Variants in ADAMTSL1 observed in about 807,000 individuals in gnomAD.
ADAMTSL1 encodes the protein ADAMTS-like protein 1.
ADAMTSL1 carries 126 observed loss-of-function variants against 201.8 expected under a neutral mutation model. That is an observed-to-expected ratio of 0.62 (90% CI 0.54 to 0.72). The LOEUF is 0.72. ADAMTSL1 is among the 30% of genes least tolerant of loss of function. The pLI, the probability that ADAMTSL1 is intolerant of heterozygous loss-of-function variation, is 0.00. For missense variants in ADAMTSL1, 2,679 were observed against 2,277.8 expected, an observed-to-expected ratio of 1.18 and a Z score of -3.59; for synonymous variants, 1,121 against 903.4, an observed-to-expected ratio of 1.24 and a Z score of -4.32.
At position 18,707,028 on chromosome 9, in the gene ADAMTSL1, G is replaced by T; in HGVS notation, c.1856G>T (p.Cys619Phe). The T allele has an allele frequency of 6.2e-7, 1 of 1,613,694 alleles. No individual in the cohort carries two copies. The highest frequency in any genetic ancestry group is 8.5e-7 in the Non-Finnish European group (1 of 1,179,766). ...YDWEYEGFTK[C>F]SESCGGGVQE... ...TGGGAGTATGAGGGGTTCACCAAGT[G>T]CTCCGAGTCCTGTGGAGGAGGTAAG... The change falls in exon 14 of 29, where the codon TGC becomes TTC. Residue 619 changes from cysteine to phenylalanine, a missense_variant. By Grantham distance (205) the Cys-to-Phe change is radical. Transcript: ENST00000380548.
chr9:18,309,476 A>G (rs546614215), intron 2 of ADAMTSL1, among the ~76,000 whole-genome samples: 1 of 152,332 alleles, frequency 6.6e-6, no homozygotes, highest in East Asian at 1.9e-4. Flanking sequence ...CTGATAAGCA[A>G]CTTCAGCAAA....
chr9:18,474,858 G>T (rs1228553112), intron 1 of ADAMTSL1, among the ~76,000 whole-genome samples: 3 of 152,166 alleles, frequency 2.0e-5, no homozygotes, highest in Non-Finnish European at 4.4e-5. Context: ...TTTATGAATT[G>T]AGGATTATGG....
intron 23 of ADAMTSL1, among the ~76,000 whole-genome samples, chr9:18,849,377 A>C (rs1359362470): frequency 2.0e-5 from 3 of 152,216 alleles, no homozygotes; most frequent in Non-Finnish European, 4.4e-5. Flanking sequence ...CCTGGATCCA[A>C]TTATGTGATA....
chr9:18,216,523 G>C (rs1324404041), intron 2 of ADAMTSL1, among the ~76,000 whole-genome samples: 1 of 152,130 alleles, frequency 6.6e-6, no homozygotes, highest in Non-Finnish European at 1.5e-5. Context: ...AGTTTAGGAG[G>C]TTGGCAGCAG....
chr9:18,826,375 C>G lies in ADAMTSL1; in HGVS notation c.4026C>G (p.Asn1342Lys), dbSNP rs373266961. Reference protein sequence around the residue: ...HLHEGSLLLTNVSSSDQGLYS... With the variant: ...HLHEGSLLLTKVSSSDQGLYS... The stretch of plus-strand genomic sequence containing the variant: ...ACGAAGGCTCCTTGCTGCTCACAAA[C>G]GTGTCCTCCTCGGATCAGGGCCTGT... Residue 1342 changes from asparagine (N) to lysine (K), a missense_variant, in exon 22 of 29, where the codon AAC (asparagine) becomes AAG (lysine). Asn to Lys is a moderately conservative substitution (Grantham distance 94, BLOSUM62 0). Transcript: ENST00000380548. 2 of 1,613,546 alleles carry G rather than the reference C, an allele frequency of 1.2e-6. No individual in the cohort carries two copies. The highest frequency in any genetic ancestry group is 2.7e-5 in the African/African-American group (2 of 74,882).
At chr9:18,545,864 G>A (rs113775674) in intron 3 of ADAMTSL1, among the ~76,000 whole-genome samples, 18 of 152,278 alleles carry the variant, frequency 1.2e-4, no homozygotes, top group African/African-American at 3.8e-4. Flanking sequence ...GGTTGCTAAC[G>A]TGCAAATACT....
intron 3 of ADAMTSL1, among the ~76,000 whole-genome samples, chr9:18,548,154 C>T (rs1245915926): frequency 1.3e-5 from 2 of 151,990 alleles, no homozygotes; most frequent in African/African-American, 4.8e-5. Flanking sequence ...CCCAAATCAA[C>T]ACTTATGGCA....
At chr9:18,434,269 A>C (rs113726297) in intron 2 of ADAMTSL1, among the ~76,000 whole-genome samples, 1 of 152,192 alleles carries the variant, frequency 6.6e-6, no homozygotes, top group African/African-American at 2.4e-5. Flanking sequence ...TCATGAAAAA[A>C]ACAAGAGGCT....
chr9:17,936,918 C>T (rs1482891537), intron 1 of ADAMTSL1, among the ~76,000 whole-genome samples: 1 of 152,122 alleles, frequency 6.6e-6, no homozygotes, highest in Non-Finnish European at 1.5e-5. Flanking sequence ...CTGAGGGTAG[C>T]ATGTTTGGGT....
At chr9:18,317,881 C>G (rs191263848) in intron 2 of ADAMTSL1, among the ~76,000 whole-genome samples, 1 of 152,178 alleles carries the variant, frequency 6.6e-6, no homozygotes, top group Admixed American at 6.5e-5. Context: ...ATCCCAGCGC[C>G]TAGAGAACCG....
At chr9:18,570,522 G>A (rs1445017049) in intron 3 of ADAMTSL1, among the ~76,000 whole-genome samples, 1 of 152,134 alleles carries the variant, frequency 6.6e-6, no homozygotes, top group Admixed American at 6.5e-5. Flanking sequence ...TTTTAAACAT[G>A]TGTATTTCAA....
At chr9:18,908,027 G>A (rs1163486779) in intron 28 of ADAMTSL1, 2 of 237,080 alleles carry the variant, frequency 8.4e-6, no homozygotes, top group Non-Finnish European at 1.7e-5. Context: ...GCAGTGCTGG[G>A]AACCATCTTG....
At chr9:18,520,929 T>C (rs1220900494) in intron 2 of ADAMTSL1, among the ~76,000 whole-genome samples, 2 of 152,208 alleles carry the variant, frequency 1.3e-5, no homozygotes, top group African/African-American at 4.8e-5. Flanking sequence ...ACCTTTCATC[T>C]AAATGCTTAG....
At chr9:18,535,745 C>T (rs547456912) in intron 3 of ADAMTSL1, among the ~76,000 whole-genome samples, 1 of 152,136 alleles carries the variant, frequency 6.6e-6, no homozygotes, top group Non-Finnish European at 1.5e-5. Context: ...TCTTTCTTCA[C>T]AGATGTCAGG....
At chr9:18,111,773 A>G (rs1398744833) in intron 1 of ADAMTSL1, among the ~76,000 whole-genome samples, 1 of 152,186 alleles carries the variant, frequency 6.6e-6, no homozygotes, top group Non-Finnish European at 1.5e-5. Flanking sequence ...TCATAAAGCT[A>G]TGAGTCAAGT....
chr9:18,403,629 A>G (rs1002536717), intron 2 of ADAMTSL1, among the ~76,000 whole-genome samples: 3 of 152,134 alleles, frequency 2.0e-5, no homozygotes, highest in African/African-American at 7.2e-5. Flanking sequence ...TAAATAAATG[A>G]ATTAATTAAT....
At chr9:18,311,933 A>G (rs553364293) in intron 2 of ADAMTSL1, among the ~76,000 whole-genome samples, 6 of 152,228 alleles carry the variant, frequency 3.9e-5, no homozygotes, top group African/African-American at 1.2e-4. Flanking sequence ...GGGAGAGGAC[A>G]GCATGTGGAA....
intron 2 of ADAMTSL1, among the ~76,000 whole-genome samples, chr9:18,238,085 T>G (rs958193402): frequency 6.6e-6 from 1 of 152,216 alleles, no homozygotes; most frequent in Non-Finnish European, 1.5e-5. Flanking sequence ...AAGCCACTTT[T>G]TGTCCACAGT....
chr9:18,095,748 G>T (rs757371441), intron 1 of ADAMTSL1, among the ~76,000 whole-genome samples: 4 of 152,036 alleles, frequency 2.6e-5, no homozygotes, highest in Admixed American at 6.6e-5. Context: ...CTTAGTGCTG[G>T]GCTGACAACG....
Sources: allele counts gnomAD v4.1 joint callset (sites outside exome capture counted in the v4.1 genomes callset), GRCh38; gene constraint gnomAD v4.1.1; transcripts MANE v1.5; gene names NCBI Gene and HGNC (gene_info 2026-07-23, HGNC 2026-07-21).